The following FAM153A variants were observed in gnomAD, a reference collection of about 807,000 sequenced individuals.
FAM153A encodes the protein protein FAM153A.
Under a neutral mutation model 48.1 loss-of-function variants are expected in FAM153A, and 12 were observed. That is an observed-to-expected ratio of 0.25 (90% CI 0.16 to 0.40). The LOEUF (loss-of-function observed/expected upper bound fraction) is 0.40, where lower values mean the gene tolerates loss of function less well. FAM153A is among the 10% of genes least tolerant of loss of function. The pLI, the probability that FAM153A is intolerant of heterozygous loss-of-function variation, is 1.00. For synonymous variants in FAM153A, 36 were observed against 118.2 expected, an observed-to-expected ratio of 0.30 and a Z score of 4.51; for missense variants, 111 against 345.8, an observed-to-expected ratio of 0.32 and a Z score of 5.38.
rs1328210004 is a variant in FAM153A at position 177,729,694 on chromosome 5, C to T, written c.863-139G>A. ...ACTCAGCTGCTGCCGGTCCATCCTC[C>T]GTGGTGGAGAGGGAAGGCAAATGGT... On this transcript the variant is annotated intron_variant, in intron 16 of 20. Transcript: ENST00000614127. 50 of 1,526,032 alleles carry T rather than the reference C, an allele frequency of 3.3e-5. 2 individuals carry two copies. Among genetic ancestry groups the T allele is most frequent in the African/African-American group, 1.5e-4 (10 of 67,838 alleles). The allele number at this position is 1,526,032 out of a possible 1,614,324, so 94.5% of individuals were successfully genotyped here. A position where few individuals can be genotyped will look rare whatever the true frequency, so the allele number is the denominator to read the frequency against.
downstream of FAM153A, among the ~76,000 whole-genome samples, chr5:177,706,074 A>G (rs1371219968): frequency 6.6e-6 from 1 of 151,972 alleles, no homozygotes; most frequent in Non-Finnish European, 1.5e-5. Flanking sequence ...TAGATTCCAC[A>G]CAATCCCTGT....
upstream of FAM153A, among the ~76,000 whole-genome samples, chr5:177,757,578 A>G (rs1186921753): frequency 6.8e-3 from 1,013 of 149,748 alleles, no homozygotes; most frequent in African/African-American, 0.024. Context: ...AAAATCCTCA[A>G]TAAAATACTG....
the FAM153A span, among the ~76,000 whole-genome samples, chr5:177,701,930 CAG>C: frequency 4.1e-5 from 6 of 147,938 alleles, no homozygotes; most frequent in East Asian, 2.0e-4. Flanking sequence ...TTTTTTGAGA[CAG>C]AGTCTTGCTC....
chr5:177,759,975 A>G (rs1477126600), intron 1 of FAM153A, among the ~76,000 whole-genome samples: 1 of 148,798 alleles, frequency 6.7e-6, no homozygotes, highest in African/African-American at 2.6e-5. Context: ...AAAAAATAAA[A>G]AAAAACAAAA....
At chr5:177,728,473 TACCCCACCTTA>T (rs1763049132) in intron 18 of FAM153A, among the ~76,000 whole-genome samples, 1 of 148,046 alleles carries the variant, frequency 6.8e-6, no homozygotes, top group Admixed American at 6.7e-5. Flanking sequence ...TCTGATGTAC[TACCCCACCTTA>T]CATGACACTG....
At chr5:177,760,091 A>G (rs1412609483) in intron 1 of FAM153A, among the ~76,000 whole-genome samples, 1 of 150,710 alleles carries the variant, frequency 6.6e-6, no homozygotes, top group African/African-American at 2.5e-5. Context: ...GTAAATGGAG[A>G]ATTTTAATTG....
chr5:177,771,444 G>A lies in FAM153A; in HGVS notation c.-57+9005C>T, dbSNP rs377388870. 2.0e-5 allele frequency among the ~76,000 whole-genome samples: 2 copies of A among 97,662 alleles called. 1 individual carries two copies. Among genetic ancestry groups the A allele is most frequent in the African/African-American group, 8.1e-5 (2 of 24,678 alleles). 64.1% of individuals were successfully genotyped at this position (97,662 alleles called of 152,430 possible). On this transcript the variant is annotated intron_variant, in intron 1 of 8. Coordinates refer to the FAM153A transcript ENST00000393518. The stretch of plus-strand genomic sequence containing the variant: ...TTGCAACACAGGATGGATCATGCAA[G>A]AGAAACTAGTACCAGGTTACCTTAT...
chr5:177,778,850 A>G (rs1383657701), intron 1 of FAM153A, among the ~76,000 whole-genome samples: 15 of 115,444 alleles, frequency 1.3e-4, no homozygotes, highest in East Asian at 5.0e-4. Flanking sequence ...AACTACACAT[A>G]GCTACAATCC....
chr5:177,711,500 A>G (rs1413700513), exon 27 of FAM153A: 3 of 151,908 alleles, frequency 2.0e-5, no homozygotes, highest in Non-Finnish European at 4.4e-5. Flanking sequence ...ATAGCAGCCA[A>G]TCCATTATAA....
At chr5:177,716,842 A>G (rs1237808745) in intron 24 of FAM153A, among the ~76,000 whole-genome samples, 3 of 151,882 alleles carry the variant, frequency 2.0e-5, no homozygotes, top group African/African-American at 7.3e-5. Flanking sequence ...TCTGTCACCC[A>G]GGCTGGAGTA....
rs1769103599 is a variant in FAM153A, at chr5:177,771,412, G to A, written c.-57+9037C>T. 4.1e-5 allele frequency among the ~76,000 whole-genome samples: 4 copies of A among 97,528 alleles called. 2 individuals are homozygous for A. The highest frequency in any genetic ancestry group is 1.6e-4 in the African/African-American group (4 of 24,704). The allele number at this position is 97,528 out of a possible 152,430, so 64.0% of individuals were successfully genotyped here. A position where few individuals can be genotyped will look rare whatever the true frequency, so the allele number is the denominator to read the frequency against. ...TGAGTCACCAGAAGTCAAAAAAGTA[G>A]CCAGCATTGCAACACAGGATGGATC... On this transcript the variant is annotated intron_variant, in intron 1 of 8. Coordinates refer to the FAM153A transcript ENST00000393518.
downstream of FAM153A, among the ~76,000 whole-genome samples, chr5:177,708,925 T>G (rs1467751027): frequency 1.3e-5 from 2 of 150,552 alleles, no homozygotes; most frequent in Non-Finnish European, 3.0e-5. Flanking sequence ...AAACCCCGTC[T>G]CTACTAAAAA....
downstream of FAM153A, among the ~76,000 whole-genome samples, chr5:177,704,641 T>G (rs1757717027): frequency 3.3e-5 from 5 of 151,666 alleles, no homozygotes. Flanking sequence ...CATGAATGGT[T>G]TAGCACTATC....
chr5:177,703,376 C>T (rs1243999310), downstream of FAM153A, among the ~76,000 whole-genome samples: 1 of 151,842 alleles, frequency 6.6e-6, no homozygotes, highest in Non-Finnish European at 1.5e-5. Context: ...GAATATTTAC[C>T]TAATTCCTAT....
the FAM153A span, among the ~76,000 whole-genome samples, chr5:177,702,897 G>C: frequency 6.6e-6 from 1 of 152,044 alleles, no homozygotes; most frequent in Admixed American, 6.5e-5. Context: ...GAATGTCTAA[G>C]CAGAAGCCTC....
chr5:177,695,201 CG>C, the FAM153A span, among the ~76,000 whole-genome samples: 1 of 143,154 alleles, frequency 7.0e-6, no homozygotes, highest in Non-Finnish European at 1.5e-5. Flanking sequence ...GGATTACAGG[CG>C]TGAGCCACTG....
At chr5:177,755,133 T>G (rs1426870265), upstream of FAM153A, among the ~76,000 whole-genome samples, 2 of 151,826 alleles carry the variant, frequency 1.3e-5, no homozygotes, top group Non-Finnish European at 2.9e-5. Flanking sequence ...TGCAGAGAAG[T>G]CCTTAAATGA....
the FAM153A span, among the ~76,000 whole-genome samples, chr5:177,699,076 C>T: frequency 1.3e-5 from 2 of 151,876 alleles, no homozygotes; most frequent in Non-Finnish European, 2.9e-5. Context: ...GCTGGGTCTA[C>T]AGGTACATGC....
downstream of FAM153A, among the ~76,000 whole-genome samples, chr5:177,709,784 C>T (rs1318683361): frequency 1.6e-5 from 2 of 124,546 alleles, no homozygotes; most frequent in Non-Finnish European, 3.4e-5. Flanking sequence ...GATTCTCCTG[C>T]CTCAGCCTCG....
Sources: gnomAD v4.1 joint callset for allele counts (sites outside exome capture counted in the v4.1 genomes callset) on GRCh38, gnomAD v4.1.1 for gene constraint, MANE v1.5 for transcripts, NCBI Gene and HGNC (gene_info 2026-07-23, HGNC 2026-07-21) for gene names.